Variants in PDE10A observed in about 807,000 individuals in gnomAD.
PDE10A encodes the protein cAMP and cAMP-inhibited cGMP 3',5'-cyclic phosphodiesterase 10A.
Under a neutral mutation model 97.7 loss-of-function variants are expected in PDE10A, and 39 were observed. That is an observed-to-expected ratio of 0.40 (90% CI 0.31 to 0.52). PDE10A has a LOEUF of 0.52. PDE10A is among the 20% of genes least tolerant of loss of function. The probability of loss-of-function intolerance (pLI) is 0.56; values close to 1 mark genes in which losing one functional copy is unlikely to be tolerated. For missense variants in PDE10A, 731 were observed against 1,047.8 expected, an observed-to-expected ratio of 0.70 and a Z score of 4.17; for synonymous variants, 371 against 376.8, an observed-to-expected ratio of 0.98 and a Z score of 0.18.
intron 1 of PDE10A, among the ~76,000 whole-genome samples, chr6:165,954,541 G>A (rs774443832): frequency 3.2e-4 from 48 of 152,128 alleles, no homozygotes; most frequent in Admixed American, 1.3e-4. Flanking sequence ...GTTAGGATTC[G>A]TTTTGCTAAG....
intron 16 of PDE10A, among the ~76,000 whole-genome samples, chr6:165,390,906 GAATT>G (rs1171054858): frequency 6.6e-6 from 1 of 152,136 alleles, no homozygotes; most frequent in Non-Finnish European, 1.5e-5. Flanking sequence ...TAAGATAACT[GAATT>G]AATTATGTTG....
intron 1 of PDE10A, among the ~76,000 whole-genome samples, chr6:165,690,119 G>A (rs764145936): frequency 2.6e-5 from 4 of 152,086 alleles, no homozygotes; most frequent in Non-Finnish European, 5.9e-5. Flanking sequence ...GAAGAAGTAG[G>A]ATTTGAATCC....
chr6:165,455,784 C>T (rs1277670478), intron 3 of PDE10A, among the ~76,000 whole-genome samples: 2 of 152,154 alleles, frequency 1.3e-5, no homozygotes, highest in Non-Finnish European at 2.9e-5. Flanking sequence ...GCACACTTGA[C>T]CATAGTAAGT....
chr6:165,664,853 C>T (rs768398173), upstream of PDE10A, among the ~76,000 whole-genome samples: 1 of 152,186 alleles, frequency 6.6e-6, no homozygotes, highest in African/African-American at 2.4e-5. Flanking sequence ...ATTTAAGTTT[C>T]TTTATTTGCA....
rs111414238 is a variant in PDE10A, at chr6:165,689,274, G to C, written c.-614-145706C>G. On this transcript the variant is annotated intron_variant, in intron 1 of 19. Coordinates refer to the PDE10A transcript ENST00000366882. ...ACACTAACTCCCAGTGTTGTTTCAAGGGTTAAATGTTCTTTTGTTTCCAAC... is the reference window on the plus strand; with the variant it reads ...ACACTAACTCCCAGTGTTGTTTCAACGGTTAAATGTTCTTTTGTTTCCAAC... Among the ~76,000 whole-genome samples the C allele has an allele frequency of 7.7e-3, 1,172 of 152,306 alleles. 8 individuals are homozygous for C. Among genetic ancestry groups the C allele is most frequent in the Non-Finnish European group, 0.012 (826 of 68,030 alleles).
At chr6:165,368,653 G>C (rs566134732) in intron 18 of PDE10A, among the ~76,000 whole-genome samples, 1 of 152,206 alleles carries the variant, frequency 6.6e-6, no homozygotes, top group Admixed American at 6.5e-5. Context: ...AATGCAAATA[G>C]ACTAAACAGT....
chr6:165,328,532 T>A lies in PDE10A; in HGVS notation c.*4493A>T, dbSNP rs771596803. 1 of 152,246 alleles carries A rather than the reference T, an allele frequency of 6.6e-6. No individual in the cohort carries two copies. Among genetic ancestry groups the A allele is most frequent in the Non-Finnish European group, 1.5e-5 (1 of 68,060 alleles). 9.4% of individuals were successfully genotyped at this position (152,246 alleles called of 1,614,324 possible). A position where few individuals can be genotyped will look rare whatever the true frequency, so the allele number is the denominator to read the frequency against. On this transcript the variant is annotated 3_prime_UTR_variant, in exon 22 of 22. Coordinates refer to ENST00000539869, the MANE Select transcript of PDE10A (RefSeq NM_001385079.1). ...ATCCTTTGCCTCACAGGGCCACACCTGGCCCTGTGTGCCATTGATTAGTTT... is the reference window on the plus strand; with the variant it reads ...ATCCTTTGCCTCACAGGGCCACACCAGGCCCTGTGTGCCATTGATTAGTTT...
At chr6:165,843,644 A>T (rs539561811) in intron 1 of PDE10A, among the ~76,000 whole-genome samples, 1 of 152,248 alleles carries the variant, frequency 6.6e-6, no homozygotes, top group South Asian at 2.1e-4. Flanking sequence ...CCATGCCTTC[A>T]TCACCCCGCC....
At chr6:165,987,897 ATCTC>A in exon 1 of PDE10A, 1 of 375,438 alleles carries the variant, frequency 2.7e-6, no homozygotes, top group Non-Finnish European at 5.3e-6. Context: ...AGACCAGTCC[ATCTC>A]AGCTCAAGCT....
At chr6:165,673,586 G>A (rs1384832192) in intron 1 of PDE10A, among the ~76,000 whole-genome samples, 1 of 152,190 alleles carries the variant, frequency 6.6e-6, no homozygotes, top group East Asian at 1.9e-4. Flanking sequence ...ATCAGTTTGT[G>A]TATTTATTTG....
chr6:165,946,074 A>C (rs1249705501), intron 1 of PDE10A, among the ~76,000 whole-genome samples: 1 of 152,258 alleles, frequency 6.6e-6, no homozygotes, highest in Non-Finnish European at 1.5e-5. Context: ...ATAACCAAAA[A>C]AAAATCATTG....
At chr6:165,424,851 T>C (rs1626928) in intron 10 of PDE10A, among the ~76,000 whole-genome samples, 14,330 of 152,174 alleles carry the variant, frequency 0.094, 879 homozygotes, top group Middle Eastern at 0.22. Context: ...AAAAATTTGA[T>C]AATACCCAAC....
At chr6:165,750,536 T>G (rs1216058922) in intron 1 of PDE10A, among the ~76,000 whole-genome samples, 1 of 152,106 alleles carries the variant, frequency 6.6e-6, no homozygotes, top group African/African-American at 2.4e-5. Context: ...AAGGGCGAAT[T>G]TATTTCCCCA....
chr6:165,331,817 C>G lies in PDE10A; in HGVS notation c.*1208G>C, dbSNP rs1272158446. 6.6e-6 allele frequency: 1 copy of G among 152,184 alleles called. No individual in the cohort carries two copies. The highest frequency in any genetic ancestry group is 1.5e-5 in the Non-Finnish European group (1 of 68,022). The allele number at this position is 152,184 out of a possible 1,614,324, so 9.4% of individuals were successfully genotyped here. ...GTATAGAAGAAACCATCGAAACCCA[C>G]AGGCTTCTATGGAGTGATCTGATCT... On this transcript the variant is annotated 3_prime_UTR_variant, in exon 22 of 22. Coordinates refer to ENST00000539869, the MANE Select transcript of PDE10A (RefSeq NM_001385079.1).
chr6:165,594,916 G>A (rs1786494200), intron 1 of PDE10A, among the ~76,000 whole-genome samples: 10 of 152,234 alleles, frequency 6.6e-5, no homozygotes, highest in Admixed American at 6.5e-4. Flanking sequence ...AGGAGGTTAA[G>A]TCTGGTGTGG....
chr6:165,735,612 G>T (rs1349105962), intron 1 of PDE10A, among the ~76,000 whole-genome samples: 1 of 152,126 alleles, frequency 6.6e-6, no homozygotes, highest in Non-Finnish European at 1.5e-5. Flanking sequence ...ACCAGGAAAA[G>T]CCAATGTCCA....
At chr6:165,542,791 TG>T (rs1421060140) in intron 2 of PDE10A, among the ~76,000 whole-genome samples, 1 of 151,930 alleles carries the variant, frequency 6.6e-6, no homozygotes, top group African/African-American at 2.4e-5. Context: ...GCTAATTTTT[TG>T]TATTTTTAGT....
At chr6:165,689,936 G>T (rs889234524) in intron 1 of PDE10A, among the ~76,000 whole-genome samples, 33 of 152,120 alleles carry the variant, frequency 2.2e-4, no homozygotes, top group African/African-American at 7.5e-4. Flanking sequence ...GCATGTATCC[G>T]TGAGTCACTC....
At chr6:165,523,165 A>G (rs1006941327) in intron 2 of PDE10A, among the ~76,000 whole-genome samples, 3 of 152,174 alleles carry the variant, frequency 2.0e-5, no homozygotes, top group Admixed American at 2.0e-4. Flanking sequence ...GAATTGAAAG[A>G]AACAATATAA....
Sources: allele counts gnomAD v4.1 joint callset (sites outside exome capture counted in the v4.1 genomes callset), GRCh38; gene constraint gnomAD v4.1.1; transcripts MANE v1.5; gene names NCBI Gene and HGNC (gene_info 2026-07-23, HGNC 2026-07-21).